CHIC2: variants seen among roughly 807,000 people sequenced by gnomAD.
The protein encoded by CHIC2 is cysteine-rich hydrophobic domain-containing protein 2.
In CHIC2, 14 loss-of-function variants were observed where a neutral mutation model predicts 25.9. The observed-to-expected ratio is 0.54, with a 90% CI of 0.36 to 0.85. The LOEUF (loss-of-function observed/expected upper bound fraction) is 0.85. Among genes scored for constraint, CHIC2 ranks in the 40% least tolerant of loss-of-function variants. The pLI is 0.01. For missense variants in CHIC2, 146 were observed against 202.0 expected (o/e 0.72, Z 1.68); for synonymous variants, 70 against 72.0 (o/e 0.97, Z 0.14).
Position 54,064,546 on chromosome 4 carries a change from G to T in CHIC2, c.-246C>A. 3.0e-6 allele frequency: 4 copies of T among 1,349,330 alleles called. No individual in the cohort carries two copies. The highest frequency in any genetic ancestry group is 3.3e-5 in the South Asian group (2 of 59,872). The allele number at this position is 1,349,330 out of a possible 1,614,324, so 83.6% of individuals were successfully genotyped here. ...CAATGTCAACATCCGCCCAGAGGCC[G>T]ACACCTCCACAAGCACAGACGCCGC... On this transcript the variant is annotated 5_prime_UTR_variant, in exon 1 of 6. Transcript: ENST00000263921. This position sits in a 1 kb window ranked among gnomAD's most constrained non-coding sequence, Gnocchi z 4.2.
At chr4:54,016,723 C>A (rs561121351) in intron 3 of CHIC2, among the ~76,000 whole-genome samples, 2 of 151,730 alleles carry the variant, frequency 1.3e-5, no homozygotes, top group Non-Finnish European at 2.9e-5. Context: ...CACTTGACAT[C>A]TCAATGATTT....
At chr4:54,065,834 A>T (rs1717506354), upstream of CHIC2, among the ~76,000 whole-genome samples, 1 of 152,226 alleles carries the variant, frequency 6.6e-6, no homozygotes, top group East Asian at 1.9e-4. Flanking sequence ...GAGGACAGTG[A>T]GAGATGCCAA....
chr4:54,073,599 A>G, the CHIC2 span, among the ~76,000 whole-genome samples: 1 of 152,130 alleles, frequency 6.6e-6, no homozygotes, highest in Non-Finnish European at 1.5e-5. Flanking sequence ...AGCTCCAGCC[A>G]AGCAGCCCCA....
Position 54,010,047 on chromosome 4 carries a change from C to T in CHIC2, c.*48G>A, listed in dbSNP as rs1278898438. The stretch of plus-strand genomic sequence containing the variant: ...ACCAGGAGAGCACCAAGCAAGGCAC[C>T]ATTGGAAAGACAACATACTTGGAAA... On this transcript the variant is annotated 3_prime_UTR_variant, in exon 6 of 6. Coordinates refer to ENST00000263921, the MANE Select transcript of CHIC2 (RefSeq NM_012110.4). 1 of 1,296,680 alleles carries T rather than the reference C, an allele frequency of 7.7e-7. No individual in the cohort carries two copies. The highest frequency in any genetic ancestry group is 1.1e-6 in the Non-Finnish European group (1 of 899,816). The allele number at this position is 1,296,680 out of a possible 1,614,324, so 80.3% of individuals were successfully genotyped here. A position where few individuals can be genotyped will look rare whatever the true frequency, so the allele number is the denominator to read the frequency against.
chr4:54,058,407 C>T (rs1016393213), intron 1 of CHIC2, among the ~76,000 whole-genome samples: 2 of 151,988 alleles, frequency 1.3e-5, no homozygotes, highest in African/African-American at 2.4e-5. Context: ...ATATCAAAGA[C>T]CACACTTTTT....
upstream of CHIC2, among the ~76,000 whole-genome samples, chr4:54,068,812 G>A (rs927951956): frequency 3.3e-5 from 5 of 152,096 alleles, no homozygotes; most frequent in South Asian, 2.1e-4. Context: ...GGCTCAGTCC[G>A]CAAGACTGCA....
At chr4:54,074,505 A>G in the CHIC2 span, among the ~76,000 whole-genome samples, 1 of 151,968 alleles carries the variant, frequency 6.6e-6, no homozygotes, top group Non-Finnish European at 1.5e-5. Context: ...TTCTCACTTA[A>G]TTGAGATTAG....
At chr4:54,028,349 G>A (rs1388959537) in intron 3 of CHIC2, among the ~76,000 whole-genome samples, 1 of 152,074 alleles carries the variant, frequency 6.6e-6, no homozygotes, top group Admixed American at 6.5e-5. Flanking sequence ...TAAAATAGCA[G>A]GAAAAGCATG....
At chr4:54,061,800 G>A (rs1166255586) in intron 1 of CHIC2, among the ~76,000 whole-genome samples, 1 of 152,006 alleles carries the variant, frequency 6.6e-6, no homozygotes. Context: ...AGTTTTCAAT[G>A]CAGAAAGATC....
intron 3 of CHIC2, among the ~76,000 whole-genome samples, chr4:54,027,768 C>T (rs1716105462): frequency 6.6e-6 from 1 of 152,156 alleles, no homozygotes; most frequent in Non-Finnish European, 1.5e-5. Context: ...TTCTCAATCT[C>T]TCTAAAAGTA....
In CHIC2 at chr4:54,009,998, C is replaced by A; in HGVS notation, c.*97G>T. 2 of 721,292 alleles carry A rather than the reference C, an allele frequency of 2.8e-6. No individual in the cohort carries two copies. The highest frequency in any genetic ancestry group is 1.9e-5 in the South Asian group (1 of 52,082). 44.7% of individuals were successfully genotyped at this position (721,292 alleles called of 1,614,324 possible). ...AAAACAAAAAAAACACCACACGATT[C>A]TGTAGAACCAATGTTATGTCACCAC... On this transcript the variant is annotated 3_prime_UTR_variant, in exon 6 of 6. Transcript: ENST00000263921.
intron 1 of CHIC2, among the ~76,000 whole-genome samples, chr4:54,049,893 C>T (rs28733336): frequency 0.059 from 8,947 of 152,144 alleles, 884 homozygotes; most frequent in African/African-American, 0.2. Flanking sequence ...AAAATGTAGA[C>T]GTGTACTATA....
At chr4:54,030,730 C>T (rs1254043338) in intron 3 of CHIC2, among the ~76,000 whole-genome samples, 3 of 147,336 alleles carry the variant, frequency 2.0e-5, no homozygotes, top group East Asian at 2.0e-4. Context: ...TGCAATGGCA[C>T]GATCTCGGCT....
intron 3 of CHIC2, among the ~76,000 whole-genome samples, chr4:54,037,840 A>G (rs573953915): frequency 5.3e-5 from 8 of 152,130 alleles, no homozygotes; most frequent in Admixed American, 4.6e-4. Context: ...AAATACTTTG[A>G]ACCAAAAGAA....
upstream of CHIC2, among the ~76,000 whole-genome samples, chr4:54,066,859 C>T (rs554286972): frequency 6.6e-6 from 1 of 152,252 alleles, no homozygotes; most frequent in East Asian, 1.9e-4. Context: ...GTCAGTATGT[C>T]CTGGCACAGC....
At chr4:54,083,073 T>C in the CHIC2 span, among the ~76,000 whole-genome samples, 1 of 134,472 alleles carries the variant, frequency 7.4e-6, no homozygotes, top group Non-Finnish European at 1.5e-5. Flanking sequence ...TTGCCCAGGC[T>C]GGAGTGATCT....
chr4:54,018,559 G>GT (rs1026658525), intron 3 of CHIC2, among the ~76,000 whole-genome samples: 3 of 151,856 alleles, frequency 2.0e-5, no homozygotes, highest in African/African-American at 7.3e-5. Context: ...TGAAAACATG[G>GT]TTTTACAAAG....
the CHIC2 span, among the ~76,000 whole-genome samples, chr4:54,071,024 T>G: frequency 2.0e-5 from 3 of 152,314 alleles, no homozygotes; most frequent in South Asian, 6.2e-4. Context: ...TTAGGATTGA[T>G]GTATGTGCAA....
the CHIC2 span, chr4:54,087,373 T>C: frequency 1.8e-6 from 1 of 567,252 alleles, no homozygotes; most frequent in Non-Finnish European, 3.1e-6. Flanking sequence ...AACTCCCTGC[T>C]AAGCAAAATG....
Sources: allele counts gnomAD v4.1 joint callset (sites outside exome capture counted in the v4.1 genomes callset), GRCh38; gene constraint gnomAD v4.1.1; non-coding constraint Gnocchi (gnomAD v3.1); transcripts MANE v1.5; gene names NCBI Gene and HGNC (gene_info 2026-07-23, HGNC 2026-07-21).